The following TIAM1 variants were observed in gnomAD, a reference collection of about 807,000 sequenced individuals.
TIAM1 encodes TIAM Rac1 associated GEF 1, also known as rho guanine nucleotide exchange factor TIAM1.
TIAM1 carries 65 observed loss-of-function variants against 163.5 expected under a neutral mutation model. That is an observed-to-expected ratio of 0.40 (90% CI 0.33 to 0.49). TIAM1 has a LOEUF of 0.49. TIAM1 is among the 20% of genes least tolerant of loss of function. The probability of loss-of-function intolerance (pLI) is 0.77; values close to 1 mark genes in which losing one functional copy is unlikely to be tolerated. For synonymous variants in TIAM1, 833 were observed against 810.1 expected, an observed-to-expected ratio of 1.03 and a Z score of -0.48; for missense variants, 1,789 against 2,044.7, an observed-to-expected ratio of 0.87 and a Z score of 2.41.
intron 10 of TIAM1, among the ~76,000 whole-genome samples, chr21:31,210,758 GAA>G (rs747946932): frequency 1.8e-5 from 2 of 110,266 alleles, no homozygotes; most frequent in African/African-American, 8.6e-5. Context: ...GAGAAAGAAA[GAA>G]AGAAAGAAAG....
intron 6 of TIAM1, among the ~76,000 whole-genome samples, chr21:31,231,979 TCTACC>T (rs1188447332): frequency 1.3e-5 from 2 of 151,754 alleles, no homozygotes; most frequent in African/African-American, 4.8e-5. Flanking sequence ...GCCACAGTAC[TCTACC>T]CTGGGCAACA....
intron 15 of TIAM1, among the ~76,000 whole-genome samples, chr21:31,165,416 G>T (rs2084161871): frequency 6.6e-6 from 1 of 152,076 alleles, no homozygotes; most frequent in Admixed American, 6.6e-5. Flanking sequence ...CATGAGGGTG[G>T]GGTCCCCATG....
chr21:31,324,006 T>C (rs2075403335), intron 2 of TIAM1, among the ~76,000 whole-genome samples: 2 of 130,390 alleles, frequency 1.5e-5, no homozygotes, highest in Non-Finnish European at 1.6e-5. Flanking sequence ...AGACCCTGTC[T>C]CAAAAAAAAA....
Position 31,555,509 on chromosome 21 carries a change from T to C in TIAM1, c.-422+3418A>G, listed in dbSNP as rs551703834. The stretch of plus-strand genomic sequence containing the variant: ...GGAGATCGTAAAACGAGGCTCTTTC[T>C]TAACCACGAGCCTGAGTCCGTGGTG... On this transcript the variant is annotated intron_variant, in intron 1 of 28. Coordinates refer to the TIAM1 transcript ENST00000286827. Among the ~76,000 whole-genome samples, 4 of 152,268 alleles carry C rather than the reference T, an allele frequency of 2.6e-5. No homozygotes were observed. In the East Asian group the frequency reaches 7.7e-4, roughly 29 times the overall value.
chr21:31,169,967 A>C (rs2084423659), intron 15 of TIAM1, among the ~76,000 whole-genome samples: 1 of 152,236 alleles, frequency 6.6e-6, no homozygotes, highest in Non-Finnish European at 1.5e-5. Context: ...GAATTTATAA[A>C]TGCAACCTAG....
chr21:31,533,980 T>C (rs1249136237), intron 1 of TIAM1, among the ~76,000 whole-genome samples: 1 of 152,182 alleles, frequency 6.6e-6, no homozygotes, highest in Non-Finnish European at 1.5e-5. Context: ...AATTACAGGA[T>C]GTGCTTAGCT....
chr21:31,250,210 C>T (rs1025142093), intron 5 of TIAM1, among the ~76,000 whole-genome samples: 1 of 146,900 alleles, frequency 6.8e-6, no homozygotes, highest in Non-Finnish European at 1.5e-5. Flanking sequence ...AGCAACAAAA[C>T]TTCAGAAGGA....
At chr21:31,410,584 T>A (rs1421499395) in intron 2 of TIAM1, among the ~76,000 whole-genome samples, 1 of 151,974 alleles carries the variant, frequency 6.6e-6, no homozygotes, top group Non-Finnish European at 1.5e-5. Flanking sequence ...AATGTGTGCA[T>A]ATGTGTATGA....
intron 1 of TIAM1, among the ~76,000 whole-genome samples, chr21:31,474,086 C>T (rs1197158634): frequency 6.6e-6 from 1 of 152,140 alleles, no homozygotes; most frequent in African/African-American, 2.4e-5. Flanking sequence ...AAGTGCCAAG[C>T]TCTTCAAACA....
At chr21:31,140,528 C>T (rs189862206) in intron 22 of TIAM1, among the ~76,000 whole-genome samples, 1 of 152,286 alleles carries the variant, frequency 6.6e-6, no homozygotes, top group Non-Finnish European at 1.5e-5. Flanking sequence ...GAGCAATTAA[C>T]TTATCCATCA....
chr21:31,130,850 GAAAT>G, intron 24 of TIAM1, 36 bp downstream of exon 24: 1 of 1,580,160 alleles, frequency 6.3e-7, no homozygotes, highest in South Asian at 1.1e-5. Flanking sequence ...AGCAGATAGA[GAAAT>G]AGTTTCAAAC....
At chr21:31,152,467 T>C (rs1191002913) in intron 19 of TIAM1, among the ~76,000 whole-genome samples, 169 bp downstream of exon 19, 3 of 152,238 alleles carry the variant, frequency 2.0e-5, no homozygotes, top group Non-Finnish European at 4.4e-5. Flanking sequence ...TTGATGGCAT[T>C]GGGCTTCCCT....
chr21:31,124,502 C>T lies in TIAM1; in HGVS notation c.4306+20G>A, dbSNP rs148777323. ...GAGTGGGGGTGACGGGAATCTTGAA[C>T]GTCCGAATCCCCACAGTACCTGCCC... On this transcript the variant is annotated intron_variant, in intron 27 of 27. Transcript: ENST00000541036. The T allele has an allele frequency of 7.4e-3, 11,845 of 1,610,848 alleles. 82 individuals carry two copies. Among genetic ancestry groups the T allele is most frequent in the Middle Eastern group, 0.028 (132 of 4,738 alleles).
At chr21:31,153,755 G>C (rs147776170) in intron 17 of TIAM1, among the ~76,000 whole-genome samples, 1 of 151,818 alleles carries the variant, frequency 6.6e-6, no homozygotes, top group East Asian at 1.9e-4. Context: ...AAATCACTAG[G>C]CTTCCTTAAA....
chr21:31,172,385 G>A (rs1217311541), intron 15 of TIAM1, among the ~76,000 whole-genome samples: 3 of 152,140 alleles, frequency 2.0e-5, no homozygotes, highest in South Asian at 2.1e-4. Context: ...ATAGTAGTAG[G>A]TGAGCGGCTT....
intron 1 of TIAM1, among the ~76,000 whole-genome samples, chr21:31,475,425 AG>A (rs2045907947): frequency 6.6e-6 from 1 of 152,190 alleles, no homozygotes; most frequent in Non-Finnish European, 1.5e-5. Context: ...TCAGCTACAT[AG>A]GGTTTGGCGA....
intron 1 of TIAM1, among the ~76,000 whole-genome samples, chr21:31,340,145 C>T (rs1480844274): frequency 6.6e-6 from 1 of 151,696 alleles, no homozygotes; most frequent in African/African-American, 2.4e-5. Context: ...TCCCAGCTCA[C>T]AATCCCTTTC....
chr21:31,292,563 T>C (rs931797963), intron 2 of TIAM1, among the ~76,000 whole-genome samples: 1 of 151,848 alleles, frequency 6.6e-6, no homozygotes, highest in South Asian at 2.1e-4. Context: ...AGAGACGGAG[T>C]TTCACTATGT....
intron 2 of TIAM1, among the ~76,000 whole-genome samples, chr21:31,456,465 AGGGAAACT>A (rs982913722): frequency 2.0e-5 from 3 of 152,374 alleles, no homozygotes; most frequent in African/African-American, 7.2e-5. Context: ...GGCCTTTGCC[AGGGAAACT>A]GGGAAACGTC....
Sources: allele counts gnomAD v4.1 joint callset (sites outside exome capture counted in the v4.1 genomes callset), GRCh38; gene constraint gnomAD v4.1.1; transcripts MANE v1.5; gene names NCBI Gene and HGNC (gene_info 2026-07-23, HGNC 2026-07-21).